OCA2: variants seen among roughly 807,000 people sequenced by gnomAD.
OCA2 encodes OCA2 melanosomal transmembrane protein.
OCA2 carries 77 observed loss-of-function variants against 100.2 expected under a neutral mutation model. That is an observed-to-expected ratio of 0.77 (90% CI 0.64 to 0.93). OCA2 has a LOEUF of 0.93. Among genes scored for constraint, OCA2 ranks in the 40% least tolerant of loss-of-function variants. OCA2 has a pLI of 0.00. For missense variants in OCA2, 1,062 were observed against 1,089.1 expected (o/e 0.98, Z 0.35); for synonymous variants, 432 against 439.2 (o/e 0.98, Z 0.21).
At chr15:27,891,169 A>G (rs1289886126) in intron 19 of OCA2, among the ~76,000 whole-genome samples, 2 of 152,174 alleles carry the variant, frequency 1.3e-5, no homozygotes, top group Non-Finnish European at 2.9e-5. Context: ...TTGCCATCTG[A>G]TACTCAAGAA....
At chr15:27,932,460 A>G (rs1210825369) in intron 18 of OCA2, among the ~76,000 whole-genome samples, 1 of 150,346 alleles carries the variant, frequency 6.7e-6, no homozygotes, top group Non-Finnish European at 1.5e-5. Context: ...TCAAAAACAA[A>G]CATGGGGCGG....
At chr15:27,870,961 G>A (rs1162283881) in intron 21 of OCA2, among the ~76,000 whole-genome samples, 193 bp downstream of exon 21, 2 of 151,978 alleles carry the variant, frequency 1.3e-5, no homozygotes, top group African/African-American at 2.4e-5. Context: ...GCAGAGCCTC[G>A]GCTCCCAGCC....
chr15:27,982,457 C>A (rs1349720272), intron 14 of OCA2, among the ~76,000 whole-genome samples: 2 of 152,324 alleles, frequency 1.3e-5, no homozygotes, highest in East Asian at 3.9e-4. Context: ...ATGACCATGG[C>A]TGCACACCTC....
At chr15:27,770,375 C>T (rs1201895438) in intron 23 of OCA2, among the ~76,000 whole-genome samples, 4 of 152,216 alleles carry the variant, frequency 2.6e-5, no homozygotes, top group South Asian at 2.1e-4. Context: ...TTTCTCAGAC[C>T]TCCAGCCGTG....
At chr15:27,993,336 G>C (rs1354677532) in intron 9 of OCA2, among the ~76,000 whole-genome samples, 3 of 152,138 alleles carry the variant, frequency 2.0e-5, no homozygotes, top group Admixed American at 6.5e-5. Context: ...AGTCTCAGCT[G>C]AATAATTGTC....
At chr15:27,756,708 C>T (rs539622044) in intron 23 of OCA2, among the ~76,000 whole-genome samples, 2 of 152,312 alleles carry the variant, frequency 1.3e-5, no homozygotes, top group South Asian at 2.1e-4. Flanking sequence ...TCCTCTGTGA[C>T]AGATTGTGTA....
chr15:27,911,606 G>T (rs908907442), intron 19 of OCA2, among the ~76,000 whole-genome samples: 2 of 152,102 alleles, frequency 1.3e-5, no homozygotes, highest in East Asian at 3.9e-4. Context: ...GAGAGAAGGG[G>T]GAGGTGCCAG....
At chr15:27,896,638 CAAAAA>C (rs58489908) in intron 19 of OCA2, 208 of 141,434 alleles carry the variant, frequency 1.5e-3, no homozygotes, top group South Asian at 4.4e-3. Context: ...TTATTGACAG[CAAAAA>C]AAAAAAAAAA....
At chr15:27,764,610 G>A (rs1042118513) in intron 23 of OCA2, among the ~76,000 whole-genome samples, 1 of 152,106 alleles carries the variant, frequency 6.6e-6, no homozygotes. Flanking sequence ...TGCTGTCTAC[G>A]GCCACCCCAG....
chr15:27,923,077 T>C (rs8040404), intron 19 of OCA2, among the ~76,000 whole-genome samples: 88,686 of 151,956 alleles, frequency 0.58, 27,114 homozygotes, highest in East Asian at 0.96. Context: ...TGGTTTTCTG[T>C]TCCTGTGTTA....
the OCA2 span, among the ~76,000 whole-genome samples, chr15:27,746,780 G>C: frequency 6.6e-6 from 1 of 152,184 alleles, no homozygotes; most frequent in African/African-American, 2.4e-5. Context: ...TTTTTGGACA[G>C]TGGGATGTAC....
At chr15:28,079,133 G>C (rs1444702568) in intron 2 of OCA2, among the ~76,000 whole-genome samples, 2 of 152,188 alleles carry the variant, frequency 1.3e-5, no homozygotes, top group African/African-American at 4.8e-5. Flanking sequence ...TCTATTTGCA[G>C]CATCTCATAG....
chr15:27,722,790 C>CTCTCTCTCTT, the OCA2 span, among the ~76,000 whole-genome samples: 1 of 144,192 alleles, frequency 6.9e-6, no homozygotes, highest in East Asian at 2.0e-4. Flanking sequence ...TTCTCTCTCT[C>CTCTCTCTCTT]TCTCTCTCTC....
chr15:27,956,900 T>C (rs979120460), intron 16 of OCA2, among the ~76,000 whole-genome samples: 1 of 152,240 alleles, frequency 6.6e-6, no homozygotes, highest in Non-Finnish European at 1.5e-5. Context: ...AAGACCATTC[T>C]AGATTTTGTT....
intron 19 of OCA2, among the ~76,000 whole-genome samples, chr15:27,897,892 C>G (rs1441208910): frequency 2.0e-5 from 3 of 152,206 alleles, no homozygotes; most frequent in African/African-American, 7.2e-5. Flanking sequence ...CATGGGAACC[C>G]ACCTCTTGCA....
chr15:27,967,585 G>A (rs1031408427), intron 14 of OCA2, among the ~76,000 whole-genome samples: 1 of 152,224 alleles, frequency 6.6e-6, no homozygotes. Flanking sequence ...CCCTGCCATC[G>A]GTTTGAAAGT....
At chr15:28,077,718 A>G (rs768177490) in intron 2 of OCA2, among the ~76,000 whole-genome samples, 3 of 152,224 alleles carry the variant, frequency 2.0e-5, no homozygotes, top group Non-Finnish European at 2.9e-5. Context: ...GCAGGTCAAT[A>G]TTTTGTTTAA....
chr15:27,771,228 C>T (rs1390755979), intron 23 of OCA2, among the ~76,000 whole-genome samples: 1 of 151,864 alleles, frequency 6.6e-6, no homozygotes, highest in Non-Finnish European at 1.5e-5. Context: ...CATAAACACC[C>T]CCAGGTCCTC....
intron 8 of OCA2, among the ~76,000 whole-genome samples, chr15:28,015,900 C>T (rs956936426): frequency 1.3e-5 from 2 of 152,184 alleles, no homozygotes; most frequent in South Asian, 2.1e-4. Flanking sequence ...CTTCTGCAGT[C>T]GACCCTCTCA....
Sources: gnomAD v4.1 joint callset for allele counts (sites outside exome capture counted in the v4.1 genomes callset) on GRCh38, gnomAD v4.1.1 for gene constraint, MANE v1.5 for transcripts, NCBI Gene and HGNC (gene_info 2026-07-23, HGNC 2026-07-21) for gene names.